Variants in JPH3 observed in about 807,000 individuals in gnomAD.
The protein encoded by JPH3 is junctophilin 3.
In JPH3, 11 loss-of-function variants were observed where a neutral mutation model predicts 59.6. The ratio of observed to expected loss-of-function variants is 0.18; its 90% CI spans 0.12 to 0.31. JPH3 has a LOEUF of 0.31. JPH3 is among the 10% of genes least tolerant of loss of function. The probability of loss-of-function intolerance (pLI) is 1.00; values close to 1 mark genes in which losing one functional copy is unlikely to be tolerated. For synonymous variants in JPH3, 673 were observed against 483.6 expected (o/e 1.39, Z -5.14); for missense variants, 1,202 against 1,105.7 (o/e 1.09, Z -1.24).
intron 2 of JPH3, among the ~76,000 whole-genome samples, chr16:87,652,028 G>A (rs8043857): frequency 0.02 from 3,058 of 151,658 alleles, 80 homozygotes; most frequent in African/African-American, 0.07. Flanking sequence ...AGGCTGGAGT[G>A]CAGTGGCACG....
At chr16:87,638,705 C>G (rs1181508345) in intron 1 of JPH3, among the ~76,000 whole-genome samples, 5 of 152,118 alleles carry the variant, frequency 3.3e-5, no homozygotes, top group Non-Finnish European at 7.4e-5. Context: ...GTGTTGGCCT[C>G]TGGTCTCCAT....
At chr16:87,649,231 G>C (rs2032251833) in intron 2 of JPH3, among the ~76,000 whole-genome samples, 2 of 152,186 alleles carry the variant, frequency 1.3e-5, no homozygotes, top group Non-Finnish European at 2.9e-5. Context: ...CACCCCAGTG[G>C]GAACTCCCAC....
intron 4 of JPH3, among the ~76,000 whole-genome samples, chr16:87,691,928 T>G (rs776212832): frequency 2.0e-5 from 3 of 152,112 alleles, no homozygotes; most frequent in Non-Finnish European, 2.9e-5. Flanking sequence ...ATTTTTAGCC[T>G]GCTTAATGCA....
intron 4 of JPH3, chr16:87,693,446 G>C (rs1468225452): frequency 6.6e-6 from 1 of 152,294 alleles, no homozygotes; most frequent in African/African-American, 2.4e-5. Flanking sequence ...GGCCGAGGCA[G>C]GTGGATCACC....
intron 2 of JPH3, chr16:87,654,845 TCTC>T (rs2150853618): frequency 6.6e-6 from 1 of 152,404 alleles, no homozygotes; most frequent in South Asian, 2.1e-4. Flanking sequence ...TCTGCCCTCT[TCTC>T]ACAGGAACCA....
chr16:87,603,627 T>C, intron 1 of JPH3, 99 bp downstream of exon 1: 1 of 1,410,230 alleles, frequency 7.1e-7, no homozygotes, highest in Non-Finnish European at 9.5e-7. Flanking sequence ...CGTCCTCCGG[T>C]TGGGCCGTGG....
chr16:87,674,130 C>T (rs7191103), intron 2 of JPH3, among the ~76,000 whole-genome samples: 3 of 151,228 alleles, frequency 2.0e-5, no homozygotes, highest in South Asian at 2.1e-4. Context: ...GTCAGGAGAT[C>T]GAGACCATCC....
rs1261406161 is a variant in JPH3 at position 87,611,684 on chromosome 16, AG to A, written c.382+8157del. Among the ~76,000 whole-genome samples the A allele has an allele frequency of 6.6e-6, 1 of 152,070 alleles. No individual in the cohort carries two copies. The stretch of plus-strand genomic sequence containing the variant: ...GTGCTTCCCAAGCCTGAGTGTTACA[AG>A]AACCACCTGGAAGGTGTGTCAAGAC... On this transcript the variant is annotated intron_variant, in intron 1 of 4. Transcript: ENST00000284262. This position sits in a 1 kb window ranked among gnomAD's most constrained non-coding sequence, Gnocchi z 4.5.
At chr16:87,604,264 C>G in intron 1 of JPH3, 1 of 1,459,812 alleles carries the variant, frequency 6.9e-7, no homozygotes, top group Non-Finnish European at 9.1e-7. Flanking sequence ...GGGGCAGAGC[C>G]GGGGCCGGAA....
At chr16:87,628,686 T>C (rs1383708331) in intron 1 of JPH3, among the ~76,000 whole-genome samples, 1 of 152,110 alleles carries the variant, frequency 6.6e-6, no homozygotes, top group Non-Finnish European at 1.5e-5. Flanking sequence ...TGTGCGAGAA[T>C]CGATTCAGTG....
chr16:87,677,227 A>ACACACACACACACAC lies in JPH3; in HGVS notation c.1161-6915_1161-6914insCACACACACACACAC, dbSNP rs1567610816. Among the ~76,000 whole-genome samples, 66 of 99,184 alleles carry ACACACACACACACAC rather than the reference A, an allele frequency of 6.7e-4. 1 individual carries two copies. Among genetic ancestry groups the ACACACACACACACAC allele is most frequent in the South Asian group, 1.4e-3 (4 of 2,888 alleles). 65.1% of individuals were successfully genotyped at this position (99,184 alleles called of 152,430 possible). A position where few individuals can be genotyped will look rare whatever the true frequency, so the allele number is the denominator to read the frequency against. ...ACACACACACACACACACACACACA[A>ACACACACACACACAC]AAAAAAAAATTAGCCGGGTGTGGTG... On this transcript the variant is annotated intron_variant, in intron 2 of 4. Coordinates refer to ENST00000284262, the MANE Select transcript of JPH3 (RefSeq NM_020655.4).
intron 2 of JPH3, among the ~76,000 whole-genome samples, chr16:87,648,654 C>T (rs562413184): frequency 7.6e-4 from 116 of 152,254 alleles, no homozygotes; most frequent in African/African-American, 2.5e-3. Context: ...GGACTGGCCC[C>T]GGCCCTGGGC....
chr16:87,649,195 G>A (rs536143949), intron 2 of JPH3, among the ~76,000 whole-genome samples: 6 of 152,184 alleles, frequency 3.9e-5, no homozygotes, highest in African/African-American at 1.4e-4. Context: ...AGTCTCTTCT[G>A]TGTCATTCTC....
intron 3 of JPH3, among the ~76,000 whole-genome samples, chr16:87,689,104 C>G (rs2033490456): frequency 6.6e-6 from 1 of 152,114 alleles, no homozygotes; most frequent in Non-Finnish European, 1.5e-5. Context: ...CCCCAGCAGC[C>G]TCGAAAGGTG....
intron 1 of JPH3, among the ~76,000 whole-genome samples, chr16:87,617,471 G>T (rs541868913): frequency 6.6e-6 from 1 of 152,074 alleles, no homozygotes; most frequent in African/African-American, 2.4e-5. Flanking sequence ...GTGCTGGGCC[G>T]TGTGGAAGTT....
chr16:87,641,921 C>T (rs1391887572), intron 1 of JPH3, among the ~76,000 whole-genome samples: 2 of 152,242 alleles, frequency 1.3e-5, no homozygotes, highest in South Asian at 2.1e-4. Context: ...AGTCTGGATG[C>T]CGCGGGTGCC....
intron 1 of JPH3, among the ~76,000 whole-genome samples, chr16:87,643,266 C>T (rs527407143): frequency 4.6e-5 from 7 of 152,340 alleles, no homozygotes; most frequent in South Asian, 4.1e-4. Context: ...ATGGACGGAC[C>T]GCATGGCGTC....
intron 1 of JPH3, among the ~76,000 whole-genome samples, chr16:87,632,589 A>C (rs904105489): frequency 6.6e-6 from 1 of 152,078 alleles, no homozygotes; most frequent in African/African-American, 2.4e-5. Flanking sequence ...ACCACTAAAC[A>C]CACTAATTTC....
At chr16:87,641,367 T>C (rs2031944629) in intron 1 of JPH3, among the ~76,000 whole-genome samples, 1 of 152,164 alleles carries the variant, frequency 6.6e-6, no homozygotes, top group African/African-American at 2.4e-5. Context: ...GCAGTGAGGT[T>C]GTTTCCGACG....
Sources: allele counts gnomAD v4.1 joint callset (sites outside exome capture counted in the v4.1 genomes callset), GRCh38; gene constraint gnomAD v4.1.1; non-coding constraint Gnocchi (gnomAD v3.1); transcripts MANE v1.5; gene names NCBI Gene and HGNC (gene_info 2026-07-23, HGNC 2026-07-21).